SEMA5A: variants seen among roughly 807,000 people sequenced by gnomAD.
SEMA5A encodes semaphorin 5A, also known as semaphorin-5A.
Under a neutral mutation model 135.5 loss-of-function variants are expected in SEMA5A, and 55 were observed. The observed-to-expected ratio is 0.41, with a 90% confidence interval of 0.33 to 0.51. SEMA5A has a LOEUF of 0.51. Among genes scored for constraint, SEMA5A ranks in the 20% least tolerant of loss-of-function variants. SEMA5A has a pLI of 0.37. For synonymous variants in SEMA5A, 580 were observed against 546.5 expected, an observed-to-expected ratio of 1.06 and a Z score of -0.85; for missense variants, 1,290 against 1,419.9, an observed-to-expected ratio of 0.91 and a Z score of 1.47.
chr5:9,119,132 G>C lies in SEMA5A; in HGVS notation c.1791C>G (p.Gly597=). 1 of 1,613,656 alleles carries C rather than the reference G, an allele frequency of 6.2e-7. No homozygotes were observed. Among genetic ancestry groups the C allele is most frequent in the Non-Finnish European group, 8.5e-7 (1 of 1,179,888 alleles). Residue 597 remains glycine, a synonymous_variant, in exon 15 of 23, where the codon GGC becomes GGG. Coordinates refer to ENST00000382496, the MANE Select transcript of SEMA5A (RefSeq NM_003966.3). ...GAGACCACGAGGTCCAGGGAGTCCA[G>C]CCTCCGTTCCTGAGGGAAGGGAAGC... ...MEIANCSRNG[G]WTPWTSWSPC...
chr5:9,300,165 C>T (rs1751545294), intron 5 of SEMA5A, among the ~76,000 whole-genome samples: 1 of 152,056 alleles, frequency 6.6e-6, no homozygotes, highest in African/African-American at 2.4e-5. Context: ...GTAGCTGGAC[C>T]TACAGGCACA....
chr5:9,360,663 C>A (rs1372277590), intron 3 of SEMA5A, among the ~76,000 whole-genome samples: 1 of 152,182 alleles, frequency 6.6e-6, no homozygotes, highest in African/African-American at 2.4e-5. Context: ...ACAATATTCT[C>A]GGCACTAGGC....
At chr5:9,276,021 G>C (rs1231804471) in intron 5 of SEMA5A, among the ~76,000 whole-genome samples, 1 of 152,152 alleles carries the variant, frequency 6.6e-6, no homozygotes, top group Non-Finnish European at 1.5e-5. Flanking sequence ...AAGTCAAATT[G>C]TCTCTGTTTG....
intron 3 of SEMA5A, among the ~76,000 whole-genome samples, chr5:9,355,205 G>C (rs193211707): frequency 6.6e-6 from 1 of 151,568 alleles, no homozygotes; most frequent in Admixed American, 6.6e-5. Flanking sequence ...CAAGTGGGAG[G>C]CTGATTCAGC....
intron 5 of SEMA5A, among the ~76,000 whole-genome samples, chr5:9,283,432 C>T (rs979855017): frequency 2.0e-5 from 3 of 152,176 alleles, no homozygotes; most frequent in Admixed American, 2.0e-4. Flanking sequence ...TGGAATTTTG[C>T]TTCTTCAAAG....
At chr5:9,277,154 G>T (rs1040577994) in intron 5 of SEMA5A, among the ~76,000 whole-genome samples, 1 of 152,080 alleles carries the variant, frequency 6.6e-6, no homozygotes, top group African/African-American at 2.4e-5. Flanking sequence ...GTGGGCAAAG[G>T]ATATGAACAG....
intron 1 of SEMA5A, among the ~76,000 whole-genome samples, chr5:9,483,996 G>T (rs1236856167): frequency 6.6e-6 from 1 of 152,146 alleles, no homozygotes; most frequent in Non-Finnish European, 1.5e-5. Context: ...CAGGCGCTGG[G>T]AGCTCATTCT....
At chr5:9,305,525 T>C (rs1039235825) in intron 5 of SEMA5A, among the ~76,000 whole-genome samples, 23 of 151,924 alleles carry the variant, frequency 1.5e-4, no homozygotes, top group Non-Finnish European at 2.6e-4. Flanking sequence ...TTAATCTGGG[T>C]GGGATTTTTT....
chr5:9,374,255 C>T (rs950599634), intron 3 of SEMA5A, among the ~76,000 whole-genome samples: 1 of 140,398 alleles, frequency 7.1e-6, no homozygotes, highest in African/African-American at 2.6e-5. Flanking sequence ...AAATATTTCA[C>T]AGAGGCTGGA....
chr5:9,346,989 G>GA (rs1753906218), intron 3 of SEMA5A, among the ~76,000 whole-genome samples: 1 of 151,444 alleles, frequency 6.6e-6, no homozygotes, highest in South Asian at 2.1e-4. Context: ...ACAGTAGAAA[G>GA]AAAAAAATTA....
chr5:9,393,332 T>C (rs2126536079), intron 2 of SEMA5A, among the ~76,000 whole-genome samples: 1 of 152,342 alleles, frequency 6.6e-6, no homozygotes, highest in African/African-American at 2.4e-5. Flanking sequence ...GCTGGATGCC[T>C]GACTGTCTCC....
At chr5:9,309,239 A>G (rs972148897) in intron 5 of SEMA5A, among the ~76,000 whole-genome samples, 3 of 152,156 alleles carry the variant, frequency 2.0e-5, no homozygotes, top group African/African-American at 7.2e-5. Flanking sequence ...CAGAAATGTT[A>G]GAATCATGAA....
intron 7 of SEMA5A, among the ~76,000 whole-genome samples, chr5:9,226,164 C>T (rs1281523178): frequency 6.6e-6 from 1 of 152,140 alleles, no homozygotes; most frequent in Non-Finnish European, 1.5e-5. Flanking sequence ...AAATCATGAA[C>T]AGTAAAAGCA....
At chr5:9,160,016 C>T (rs1365888616) in intron 11 of SEMA5A, among the ~76,000 whole-genome samples, 1 of 151,850 alleles carries the variant, frequency 6.6e-6, no homozygotes, top group African/African-American at 2.4e-5. Context: ...AACACATGGA[C>T]ACAGAGAGGG....
chr5:9,352,883 G>T (rs1381793400), intron 3 of SEMA5A, among the ~76,000 whole-genome samples: 1 of 151,954 alleles, frequency 6.6e-6, no homozygotes, highest in Non-Finnish European at 1.5e-5. Flanking sequence ...TATTTGACCT[G>T]CAAGGGCCAA....
chr5:9,513,586 T>C (rs1002080661), intron 1 of SEMA5A, among the ~76,000 whole-genome samples: 3 of 152,144 alleles, frequency 2.0e-5, no homozygotes, highest in Admixed American at 6.5e-5. Flanking sequence ...GATTGTATGA[T>C]ATTGTGGCGG....
At chr5:9,361,588 T>C (rs2126378398) in intron 3 of SEMA5A, among the ~76,000 whole-genome samples, 1 of 152,320 alleles carries the variant, frequency 6.6e-6, no homozygotes, top group Admixed American at 6.5e-5. Context: ...CTAAGAGATT[T>C]CCTCAGCATT....
chr5:9,296,232 A>C (rs1346947856), intron 5 of SEMA5A, among the ~76,000 whole-genome samples: 1 of 152,202 alleles, frequency 6.6e-6, no homozygotes, highest in Non-Finnish European at 1.5e-5. Flanking sequence ...AGTGTATAAA[A>C]TGTATAATTA....
intron 8 of SEMA5A, among the ~76,000 whole-genome samples, chr5:9,212,058 AT>A (rs1387216966): frequency 6.6e-6 from 1 of 152,204 alleles, no homozygotes; most frequent in East Asian, 1.9e-4. Context: ...GGCTACGTGG[AT>A]TAGATGTTCA....
Sources: allele counts gnomAD v4.1 joint callset (sites outside exome capture counted in the v4.1 genomes callset), GRCh38; gene constraint gnomAD v4.1.1; transcripts MANE v1.5; gene names NCBI Gene and HGNC (gene_info 2026-07-23, HGNC 2026-07-21).